The following PAN3 variants were observed in gnomAD, a reference collection of about 807,000 sequenced individuals.
The protein encoded by PAN3 is poly(A) specific ribonuclease subunit PAN3.
In PAN3, 19 loss-of-function variants were observed where a neutral mutation model predicts 96.2. That is an observed-to-expected ratio of 0.20 (90% CI 0.14 to 0.29). The LOEUF (loss-of-function observed/expected upper bound fraction) is 0.29. Ranked by LOEUF, PAN3 falls within the 10% of genes least tolerant of loss-of-function variation. The pLI is 1.00. For synonymous variants in PAN3, 433 were observed against 406.6 expected, an observed-to-expected ratio of 1.06 and a Z score of -0.78; for missense variants, 882 against 1,108.1, an observed-to-expected ratio of 0.80 and a Z score of 2.90.
At chr13:28,210,757 A>C (rs1879931004) in intron 5 of PAN3, among the ~76,000 whole-genome samples, 1 of 152,142 alleles carries the variant, frequency 6.6e-6, no homozygotes, top group African/African-American at 2.4e-5. Flanking sequence ...ACAACAACAA[A>C]AAAAACCTTA....
chr13:28,252,654 T>G (rs1414227943), intron 6 of PAN3, among the ~76,000 whole-genome samples: 1 of 152,198 alleles, frequency 6.6e-6, no homozygotes, highest in Non-Finnish European at 1.5e-5. Flanking sequence ...CTAAAGCAGT[T>G]AATTTATCAT....
chr13:28,250,693 G>A (rs1198713505), intron 6 of PAN3, among the ~76,000 whole-genome samples: 2 of 151,946 alleles, frequency 1.3e-5, no homozygotes, highest in East Asian at 1.9e-4. Flanking sequence ...TTGTAGAGAC[G>A]GGGTTTCACC....
At chr13:28,225,625 C>G (rs566539860) in intron 6 of PAN3, among the ~76,000 whole-genome samples, 12 of 152,286 alleles carry the variant, frequency 7.9e-5, no homozygotes, top group Admixed American at 7.8e-4. Context: ...ATTAACTAAC[C>G]AAGGCAGCCA....
At chr13:28,267,937 G>A (rs1886320256) in intron 12 of PAN3, among the ~76,000 whole-genome samples, 1 of 152,176 alleles carries the variant, frequency 6.6e-6, no homozygotes, top group African/African-American at 2.4e-5. Flanking sequence ...TGATGGTCAA[G>A]AAGTTAGGAA....
At position 28,235,696 on chromosome 13, in the gene PAN3, T is replaced by TACACACACACACACACACACAC. The variant is rs34812975; in HGVS notation, c.1000+15324_1000+15345dup. On this transcript the variant is annotated intron_variant, in intron 6 of 18. Coordinates refer to ENST00000380958, the MANE Select transcript of PAN3 (RefSeq NM_175854.8). ...TTTCTCTAATATACACACACACACA[T>TACACACACACACACACACACAC]ACACACACACACACACACACACACA... Among the ~76,000 whole-genome samples, 208 of 140,700 alleles carry TACACACACACACACACACACAC rather than the reference T, an allele frequency of 1.5e-3. 1 individual carries two copies. The highest frequency in any genetic ancestry group is 5.4e-3 in the African/African-American group (197 of 36,626). 92.3% of individuals were successfully genotyped at this position (140,700 alleles called of 152,430 possible). A position where few individuals can be genotyped will look rare whatever the true frequency, so the allele number is the denominator to read the frequency against.
At chr13:28,264,265 G>T (rs984717462) in intron 9 of PAN3, among the ~76,000 whole-genome samples, 1 of 152,106 alleles carries the variant, frequency 6.6e-6, no homozygotes, top group Non-Finnish European at 1.5e-5. Context: ...CGCGCCGGGC[G>T]CAGTGGCTCA....
chr13:28,160,543 G>A (rs1183983724), intron 1 of PAN3, among the ~76,000 whole-genome samples: 1 of 152,100 alleles, frequency 6.6e-6, no homozygotes, highest in Non-Finnish European at 1.5e-5. Context: ...TAGGAGATTA[G>A]GATTGAGTGA....
At chr13:28,144,005 G>A (rs1870217042) in intron 1 of PAN3, among the ~76,000 whole-genome samples, 1 of 151,776 alleles carries the variant, frequency 6.6e-6, no homozygotes. Flanking sequence ...ATTTTTATTG[G>A]AATAATATAC....
At chr13:28,169,883 C>G (rs907606152) in intron 1 of PAN3, among the ~76,000 whole-genome samples, 1 of 151,698 alleles carries the variant, frequency 6.6e-6, no homozygotes, top group Non-Finnish European at 1.5e-5. Context: ...CCCATCTTTA[C>G]TAAAAATACA....
intron 12 of PAN3, among the ~76,000 whole-genome samples, chr13:28,269,866 A>G (rs1174598956): frequency 6.6e-6 from 1 of 152,206 alleles, no homozygotes; most frequent in Non-Finnish European, 1.5e-5. Context: ...TATTATAAGT[A>G]CATAATTAAC....
intron 18 of PAN3, among the ~76,000 whole-genome samples, chr13:28,288,722 A>G (rs1200943171): frequency 6.6e-6 from 1 of 152,200 alleles, no homozygotes; most frequent in Non-Finnish European, 1.5e-5. Context: ...AAAACAGTGA[A>G]TGGTAAAAAG....
intron 4 of PAN3, among the ~76,000 whole-genome samples, chr13:28,195,318 G>A (rs778649670): frequency 6.6e-6 from 1 of 151,974 alleles, no homozygotes; most frequent in Non-Finnish European, 1.5e-5. Flanking sequence ...TGGGAGGGTC[G>A]TTTGAGCCCC....
At chr13:28,222,219 A>G (rs1035837162) in intron 6 of PAN3, among the ~76,000 whole-genome samples, 2 of 152,202 alleles carry the variant, frequency 1.3e-5, no homozygotes, top group Non-Finnish European at 2.9e-5. Context: ...ATTAATGCTT[A>G]TGGTATAGGT....
At chr13:28,242,264 T>A (rs1164633047) in intron 6 of PAN3, among the ~76,000 whole-genome samples, 2 of 152,224 alleles carry the variant, frequency 1.3e-5, no homozygotes, top group Non-Finnish European at 2.9e-5. Context: ...TAGTACTTCT[T>A]CCGTGATGGC....
At chr13:28,258,771 A>G (rs549906064) in intron 7 of PAN3, among the ~76,000 whole-genome samples, 8 of 152,304 alleles carry the variant, frequency 5.3e-5, no homozygotes, top group Middle Eastern at 6.8e-3. Context: ...ACGCCCACAG[A>G]TAGCAAAATT....
intron 17 of PAN3, among the ~76,000 whole-genome samples, chr13:28,285,883 C>T (rs1295000242): frequency 2.0e-5 from 3 of 151,970 alleles, no homozygotes; most frequent in African/African-American, 7.3e-5. Flanking sequence ...TAGATTTTTG[C>T]TGGTGGTTGG....
chr13:28,219,466 C>T (rs1270096741), intron 5 of PAN3, among the ~76,000 whole-genome samples: 1 of 152,040 alleles, frequency 6.6e-6, no homozygotes, highest in African/African-American at 2.4e-5. Context: ...TTTCTGCCTC[C>T]TGTGGAAATT....
chr13:28,283,664 C>T (rs1029103910), intron 17 of PAN3, among the ~76,000 whole-genome samples: 2 of 152,210 alleles, frequency 1.3e-5, no homozygotes, highest in Non-Finnish European at 2.9e-5. Context: ...ATGCCAAGCA[C>T]TATTCAAAAT....
intron 6 of PAN3, among the ~76,000 whole-genome samples, chr13:28,241,778 G>A (rs558580135): frequency 3.3e-5 from 5 of 152,158 alleles, no homozygotes; most frequent in African/African-American, 9.6e-5. Context: ...TAGTAGTAGC[G>A]CATTTTTTGT....
Sources: gnomAD v4.1 joint callset for allele counts (sites outside exome capture counted in the v4.1 genomes callset) on GRCh38, gnomAD v4.1.1 for gene constraint, MANE v1.5 for transcripts, NCBI Gene and HGNC (gene_info 2026-07-23, HGNC 2026-07-21) for gene names.